ATP8A2: variants seen among roughly 807,000 people sequenced by gnomAD.
ATP8A2 encodes the protein phospholipid-transporting ATPase IB.
ATP8A2 carries 100 observed loss-of-function variants against 165.6 expected under a neutral mutation model. The observed-to-expected ratio is 0.60, with a 90% CI of 0.51 to 0.71. ATP8A2 has a LOEUF of 0.71. ATP8A2 is among the 30% of genes least tolerant of loss of function. The probability of loss-of-function intolerance (pLI) is 0.00; values close to 1 mark genes in which losing one functional copy is unlikely to be tolerated. For synonymous variants in ATP8A2, 543 were observed against 548.8 expected, an observed-to-expected ratio of 0.99 and a Z score of 0.15; for missense variants, 1,227 against 1,479.5, an observed-to-expected ratio of 0.83 and a Z score of 2.80.
chr13:25,535,549 C>T (rs1462001845), intron 6 of ATP8A2, among the ~76,000 whole-genome samples: 1 of 152,162 alleles, frequency 6.6e-6, no homozygotes, highest in Non-Finnish European at 1.5e-5. Context: ...CGGGCATGCT[C>T]ACACCTGCAA....
At chr13:25,554,760 AT>A (rs2138075712) in intron 12 of ATP8A2, among the ~76,000 whole-genome samples, 2 of 152,228 alleles carry the variant, frequency 1.3e-5, no homozygotes, top group African/African-American at 4.8e-5. Flanking sequence ...GGGTTTCACC[AT>A]GTTGGCCAGG....
intron 2 of ATP8A2, among the ~76,000 whole-genome samples, chr13:25,509,630 C>T (rs758388263): frequency 6.6e-5 from 10 of 151,726 alleles, no homozygotes; most frequent in Middle Eastern, 3.4e-3. Flanking sequence ...ATTTTGTTTT[C>T]GTAATACTGT....
At chr13:25,595,858 A>C (rs1282149346) in intron 24 of ATP8A2, among the ~76,000 whole-genome samples, 4 of 152,132 alleles carry the variant, frequency 2.6e-5, no homozygotes, top group Non-Finnish European at 4.4e-5. Flanking sequence ...AGGAGAGCTA[A>C]CAGGATTTGA....
At chr13:25,889,245 C>CATAT (rs200723564) in intron 33 of ATP8A2, among the ~76,000 whole-genome samples, 1,560 of 109,914 alleles carry the variant, frequency 0.014, 25 homozygotes, top group African/African-American at 0.031. Context: ...CATCCTTTGT[C>CATAT]ATATATATAT....
Position 25,860,788 on chromosome 13 carries a change from T to C in ATP8A2, c.3019-16T>C. 1 of 1,580,708 alleles carries C rather than the reference T, an allele frequency of 6.3e-7. No individual in the cohort carries two copies. Among genetic ancestry groups the C allele is most frequent in the Non-Finnish European group, 8.6e-7 (1 of 1,158,110 alleles). Reference sequence around the variant, plus strand: ...TTGAGAATAATGTGTTTCCAAACTGTCTTTTATTTTCACAGTATGTTGTTG... The same window carrying C: ...TTGAGAATAATGTGTTTCCAAACTGCCTTTTATTTTCACAGTATGTTGTTG... On this transcript the variant is annotated splice_polypyrimidine_tract_variant and intron_variant, in intron 31 of 36. Transcript: ENST00000381655.
chr13:25,664,835 G>A (rs1257441523), intron 24 of ATP8A2, among the ~76,000 whole-genome samples: 5 of 151,954 alleles, frequency 3.3e-5, no homozygotes, highest in East Asian at 3.9e-4. Flanking sequence ...TTTTCCTTGC[G>A]GTAACATGGG....
chr13:25,471,351 A>G (rs1300640076), intron 2 of ATP8A2, among the ~76,000 whole-genome samples: 1 of 149,156 alleles, frequency 6.7e-6, no homozygotes, highest in East Asian at 1.9e-4. Context: ...ATGGAAGGTA[A>G]AGTTTTTTTT....
At chr13:25,591,070 C>A (rs920538393) in intron 24 of ATP8A2, among the ~76,000 whole-genome samples, 2 of 152,064 alleles carry the variant, frequency 1.3e-5, no homozygotes, top group Non-Finnish European at 2.9e-5. Flanking sequence ...CCAAGTGTTT[C>A]AGTCTTCCCC....
intron 27 of ATP8A2, among the ~76,000 whole-genome samples, chr13:25,808,904 A>G (rs1335264669): frequency 6.6e-6 from 1 of 152,190 alleles, no homozygotes; most frequent in Non-Finnish European, 1.5e-5. Context: ...ATATTTTCAG[A>G]GAGCTGAGAG....
intron 24 of ATP8A2, among the ~76,000 whole-genome samples, chr13:25,607,396 G>C (rs996766735): frequency 2.0e-5 from 3 of 152,294 alleles, no homozygotes; most frequent in Admixed American, 1.3e-4. Flanking sequence ...AGGCAGAGTT[G>C]AGTACAGATG....
At chr13:25,943,035 A>AG (rs1187475920) in intron 33 of ATP8A2, among the ~76,000 whole-genome samples, 1 of 152,080 alleles carries the variant, frequency 6.6e-6, no homozygotes, top group East Asian at 1.9e-4. Flanking sequence ...ATTGCACAGA[A>AG]GGGAGGGGTC....
In ATP8A2 at chr13:26,025,819, A is replaced by C. The variant is rs529379428; in HGVS notation, c.*5834A>C. 2.0e-5 allele frequency: 3 copies of C among 152,172 alleles called. No individual in the cohort carries two copies. Among genetic ancestry groups the C allele is most frequent in the Admixed American group, 6.5e-5 (1 of 15,274 alleles). The allele number at this position is 152,172 out of a possible 1,614,324, so 9.4% of individuals were successfully genotyped here. ...CTGTTGACTGGTGTATGTCTGCGCA[A>C]ACCTGTTTCAAATAAATCTTTTGTT... is the stretch of plus-strand genomic sequence containing the variant. On this transcript the variant is annotated 3_prime_UTR_variant, in exon 37 of 37. Coordinates refer to ENST00000381655, the MANE Select transcript of ATP8A2 (RefSeq NM_016529.6).
At chr13:25,581,738 A>G in intron 22 of ATP8A2, 81 bp from the exon 23 acceptor site, 1 of 1,323,046 alleles carries the variant, frequency 7.6e-7, no homozygotes, top group Non-Finnish European at 1.1e-6. Flanking sequence ...GAACCGTTTG[A>G]TTGCCTTTCT....
chr13:25,714,795 A>G (rs866401141), intron 25 of ATP8A2, among the ~76,000 whole-genome samples: 1 of 152,190 alleles, frequency 6.6e-6, no homozygotes, highest in Non-Finnish European at 1.5e-5. Flanking sequence ...TATTTGTCCA[A>G]TGCAGGGCAC....
intron 33 of ATP8A2, among the ~76,000 whole-genome samples, chr13:25,915,543 C>T (rs1954247134): frequency 6.6e-6 from 1 of 152,202 alleles, no homozygotes; most frequent in Non-Finnish European, 1.5e-5. Flanking sequence ...ATAAGTGAAA[C>T]ATGGCCAATT....
At chr13:25,582,874 T>TA (rs979099052) in intron 23 of ATP8A2, among the ~76,000 whole-genome samples, 4 of 152,142 alleles carry the variant, frequency 2.6e-5, no homozygotes, top group African/African-American at 9.7e-5. Context: ...AAATTTGATT[T>TA]AAAAAAATAG....
intron 24 of ATP8A2, among the ~76,000 whole-genome samples, chr13:25,696,139 T>C (rs1431318982): frequency 2.0e-5 from 3 of 152,238 alleles, no homozygotes; most frequent in Non-Finnish European, 2.9e-5. Context: ...AGTGCATTGT[T>C]AGTGAGCAGT....
rs1373779648 is a variant in ATP8A2, at chr13:25,678,121, A to C, written c.2212-21052A>C. ...GTAATAGAGGTGCAGGTGGTTCTTG[A>C]TGACAAGAACTTGGCCTTCAACTCT... On this transcript the variant is annotated intron_variant, in intron 24 of 36. Coordinates refer to ENST00000381655, the MANE Select transcript of ATP8A2 (RefSeq NM_016529.6). 1.3e-5 allele frequency among the ~76,000 whole-genome samples: 2 copies of C among 152,314 alleles called. 1 individual carries two copies. The highest frequency in any genetic ancestry group is 4.1e-4 in the South Asian group (2 of 4,830).
chr13:25,580,681 A>G (rs1044489185), intron 22 of ATP8A2, among the ~76,000 whole-genome samples: 2 of 152,158 alleles, frequency 1.3e-5, no homozygotes, highest in Non-Finnish European at 1.5e-5. Context: ...CTACAGTCTC[A>G]TGCTACCATG....
Sources: gnomAD v4.1 joint callset for allele counts (sites outside exome capture counted in the v4.1 genomes callset) on GRCh38, gnomAD v4.1.1 for gene constraint, MANE v1.5 for transcripts, NCBI Gene and HGNC (gene_info 2026-07-23, HGNC 2026-07-21) for gene names.